PPP2R2B: variants seen among roughly 807,000 people sequenced by gnomAD.
PPP2R2B encodes the protein protein phosphatase 2 regulatory subunit Bbeta, also known as serine/threonine-protein phosphatase 2A 55 kDa regulatory subunit B beta isoform.
In PPP2R2B, 5 loss-of-function variants were observed where a neutral mutation model predicts 46.0. The ratio of observed to expected loss-of-function variants is 0.11; its 90% CI spans 0.06 to 0.23. The LOEUF is 0.23. Ranked by LOEUF, PPP2R2B falls within the 10% of genes least tolerant of loss-of-function variation. The pLI is 1.00. For synonymous variants in PPP2R2B, 215 were observed against 206.7 expected (o/e 1.04, Z -0.34); for missense variants, 367 against 575.0 (o/e 0.64, Z 3.70).
chr5:147,019,047 C>T (rs1189788173), intron 1 of PPP2R2B, among the ~76,000 whole-genome samples: 1 of 152,150 alleles, frequency 6.6e-6, no homozygotes, highest in African/African-American at 2.4e-5. Flanking sequence ...AAGGAATGTT[C>T]AGAGAGGTCA....
At chr5:147,046,563 C>T (rs1756552968) in intron 1 of PPP2R2B, among the ~76,000 whole-genome samples, 1 of 152,124 alleles carries the variant, frequency 6.6e-6, no homozygotes, top group Non-Finnish European at 1.5e-5. Flanking sequence ...AAGGAATTGC[C>T]TTGGGGCACA....
chr5:147,032,363 G>C (rs975340570), intron 1 of PPP2R2B, among the ~76,000 whole-genome samples: 9 of 152,150 alleles, frequency 5.9e-5, no homozygotes, highest in African/African-American at 1.7e-4. Flanking sequence ...CCTTACTCCT[G>C]TAAGAATGGC....
At chr5:146,741,369 CTT>C (rs1192658068) in intron 2 of PPP2R2B, among the ~76,000 whole-genome samples, 1 of 151,998 alleles carries the variant, frequency 6.6e-6, no homozygotes, top group Non-Finnish European at 1.5e-5. Context: ...TAAAAATGTA[CTT>C]ATAATCTGAA....
chr5:147,045,654 A>G (rs555081470), intron 1 of PPP2R2B, among the ~76,000 whole-genome samples: 3 of 152,114 alleles, frequency 2.0e-5, no homozygotes, highest in Non-Finnish European at 4.4e-5. Flanking sequence ...ATATATATAT[A>G]TTTTTAAATG....
intron 2 of PPP2R2B, among the ~76,000 whole-genome samples, chr5:146,818,595 G>A (rs945252540): frequency 4.6e-5 from 7 of 152,124 alleles, no homozygotes; most frequent in African/African-American, 7.2e-5. Context: ...TACCATGTGC[G>A]GGTTCTATCC....
intron 1 of PPP2R2B, among the ~76,000 whole-genome samples, chr5:146,890,032 A>G (rs1375579298): frequency 3.3e-5 from 5 of 152,106 alleles, no homozygotes; most frequent in Non-Finnish European, 7.3e-5. Context: ...TCACATCCGC[A>G]CACACACAAT....
At chr5:146,985,013 T>C (rs1753355016) in intron 1 of PPP2R2B, among the ~76,000 whole-genome samples, 1 of 138,004 alleles carries the variant, frequency 7.2e-6, no homozygotes, top group African/African-American at 2.6e-5. Context: ...AATATTTTCT[T>C]TTTCTTTTTT....
At chr5:146,706,453 T>G in intron 2 of PPP2R2B, 1 of 1,088,248 alleles carries the variant, frequency 9.2e-7, no homozygotes, top group Non-Finnish European at 1.4e-6. Context: ...AGCAGCTTCC[T>G]GTAGGTGGCG....
At chr5:146,736,398 C>T (rs1182279900) in intron 2 of PPP2R2B, among the ~76,000 whole-genome samples, 1 of 152,182 alleles carries the variant, frequency 6.6e-6, no homozygotes, top group East Asian at 1.9e-4. Flanking sequence ...CTCCTTCAGT[C>T]ATCACAGAAA....
intron 2 of PPP2R2B, among the ~76,000 whole-genome samples, chr5:146,737,646 A>C (rs1265974764): frequency 6.6e-6 from 1 of 152,196 alleles, no homozygotes; most frequent in Non-Finnish European, 1.5e-5. Context: ...AGTAATATAC[A>C]GTGAAGAATA....
chr5:147,013,118 T>C (rs1256374161), intron 1 of PPP2R2B, among the ~76,000 whole-genome samples: 1 of 148,332 alleles, frequency 6.7e-6, no homozygotes, highest in Non-Finnish European at 1.5e-5. Flanking sequence ...AAATCAGGAG[T>C]GAACTCCCAT....
chr5:146,747,793 T>C (rs1158816693), intron 2 of PPP2R2B, among the ~76,000 whole-genome samples: 11 of 152,216 alleles, frequency 7.2e-5, no homozygotes, highest in African/African-American at 2.4e-4. Context: ...AGTTACTACA[T>C]TGTTAGTGCA....
chr5:146,773,067 G>A (rs1430206084), intron 2 of PPP2R2B, among the ~76,000 whole-genome samples: 2 of 152,130 alleles, frequency 1.3e-5, no homozygotes, highest in East Asian at 3.9e-4. Flanking sequence ...TTAAAATTGT[G>A]TTAGCACCTA....
At chr5:146,721,278 A>G (rs1355886202) in intron 2 of PPP2R2B, among the ~76,000 whole-genome samples, 1 of 152,164 alleles carries the variant, frequency 6.6e-6, no homozygotes, top group African/African-American at 2.4e-5. Context: ...TATGTTTCTA[A>G]TGAATTTAGA....
chr5:147,041,723 C>G (rs772208044), intron 1 of PPP2R2B, among the ~76,000 whole-genome samples: 1 of 152,148 alleles, frequency 6.6e-6, no homozygotes, highest in East Asian at 1.9e-4. Flanking sequence ...CCCAGATCTT[C>G]ATTTTCTTTA....
intron 1 of PPP2R2B, among the ~76,000 whole-genome samples, chr5:146,898,113 A>C (rs1485541562): frequency 1.3e-5 from 2 of 152,222 alleles, no homozygotes; most frequent in East Asian, 3.8e-4. Context: ...TGAACCAGGG[A>C]AGCGGAGGTT....
At chr5:146,619,890 T>A (rs1773529000) in intron 7 of PPP2R2B, among the ~76,000 whole-genome samples, 1 of 152,204 alleles carries the variant, frequency 6.6e-6, no homozygotes. Flanking sequence ...CTGGTTAATT[T>A]GGCCACCTTC....
intron 4 of PPP2R2B, among the ~76,000 whole-genome samples, chr5:146,694,738 A>T (rs567427981): frequency 6.6e-6 from 1 of 152,256 alleles, no homozygotes; most frequent in East Asian, 1.9e-4. Flanking sequence ...TAAAATAATC[A>T]TAAAGGTAAA....
chr5:146,930,154 C>T (rs1440440020), intron 1 of PPP2R2B, among the ~76,000 whole-genome samples: 2 of 151,964 alleles, frequency 1.3e-5, no homozygotes, highest in East Asian at 1.9e-4. Flanking sequence ...AATGGAGGGC[C>T]GCTTTAGATT....
Sources: gnomAD v4.1 joint callset for allele counts (sites outside exome capture counted in the v4.1 genomes callset) on GRCh38, gnomAD v4.1.1 for gene constraint, MANE v1.5 for transcripts, NCBI Gene and HGNC (gene_info 2026-07-23, HGNC 2026-07-21) for gene names.